NRXN3: variants seen among roughly 807,000 people sequenced by gnomAD.
NRXN3 encodes the protein neurexin 3, also known as neurexin III.
NRXN3 carries 32 observed loss-of-function variants against 137.6 expected under a neutral mutation model. The ratio of observed to expected loss-of-function variants is 0.23; its 90% CI spans 0.18 to 0.31. The LOEUF is 0.31. Ranked by LOEUF, NRXN3 falls within the 10% of genes least tolerant of loss-of-function variation. NRXN3 has a pLI of 1.00. For missense variants in NRXN3, 1,574 were observed against 2,062.5 expected (o/e 0.76, Z 4.59); for synonymous variants, 798 against 784.5 (o/e 1.02, Z -0.29).
intron 15 of NRXN3, among the ~76,000 whole-genome samples, chr14:79,208,720 T>C (rs915546867): frequency 6.6e-6 from 1 of 152,166 alleles, no homozygotes; most frequent in Admixed American, 6.6e-5. Context: ...TTTTTCAATT[T>C]CTATTATGAC....
intron 16 of NRXN3, among the ~76,000 whole-genome samples, chr14:79,603,601 AT>A (rs1283970314): frequency 1.3e-5 from 2 of 150,758 alleles, no homozygotes; most frequent in African/African-American, 2.4e-5. Context: ...TGTTCTTGTC[AT>A]TTTTTTTCAT....
At chr14:78,608,808 G>A (rs2097274455) in intron 4 of NRXN3, among the ~76,000 whole-genome samples, 1 of 152,180 alleles carries the variant, frequency 6.6e-6, no homozygotes, top group African/African-American at 2.4e-5. Context: ...CTGGGGCAGA[G>A]GACACTCAGA....
At chr14:78,293,108 C>CT (rs201811867) in intron 3 of NRXN3, among the ~76,000 whole-genome samples, 10 of 150,890 alleles carry the variant, frequency 6.6e-5, no homozygotes, top group Non-Finnish European at 8.9e-5. Context: ...GTTCCTTTTC[C>CT]TTTTTTTTTG....
intron 4 of NRXN3, among the ~76,000 whole-genome samples, chr14:78,335,663 TCCTC>T (rs2081376799): frequency 6.6e-6 from 1 of 152,120 alleles, no homozygotes; most frequent in African/African-American, 2.4e-5. Context: ...CCTGATTCCT[TCCTC>T]CCACCTGCCT....
At chr14:79,470,951 AGTGTGTGTGTGTGTGTGT>A (rs371413883) in intron 16 of NRXN3, among the ~76,000 whole-genome samples, 19 of 116,512 alleles carry the variant, frequency 1.6e-4, no homozygotes, top group East Asian at 5.0e-4. Flanking sequence ...AGAGAGAGAG[AGTGTGTGTGTGTGTGTGT>A]GTGTGTGTGT....
chr14:79,270,438 T>C (rs765198761), intron 15 of NRXN3, among the ~76,000 whole-genome samples: 9 of 151,482 alleles, frequency 5.9e-5, no homozygotes, highest in Non-Finnish European at 1.2e-4. Flanking sequence ...ATATTGTCGT[T>C]TTCATTTTGC....
intron 16 of NRXN3, among the ~76,000 whole-genome samples, chr14:79,512,525 T>C (rs1411859403): frequency 1.3e-5 from 2 of 152,228 alleles, no homozygotes; most frequent in African/African-American, 4.8e-5. Flanking sequence ...CAGATCAATG[T>C]TGAAGCCTCA....
intron 20 of NRXN3, among the ~76,000 whole-genome samples, chr14:79,842,896 A>G (rs2099359170): frequency 6.6e-6 from 1 of 151,544 alleles, no homozygotes; most frequent in Non-Finnish European, 1.5e-5. Context: ...TTCCTCTCCC[A>G]CCTCTAGTAA....
At chr14:79,615,740 A>C (rs221510) in intron 16 of NRXN3, among the ~76,000 whole-genome samples, 58,802 of 151,874 alleles carry the variant, frequency 0.39, 15,672 homozygotes, top group African/African-American at 0.76. Context: ...TTCACTATCA[A>C]AAGAACTGCT....
chr14:79,819,779 G>A lies in NRXN3; in HGVS notation c.4093+14589G>A, dbSNP rs150575674. Among the ~76,000 whole-genome samples, 268 of 151,544 alleles carry A rather than the reference G, an allele frequency of 1.8e-3. 1 individual carries two copies. Among genetic ancestry groups the A allele is most frequent in the African/African-American group, 6.1e-3 (252 of 41,052 alleles). Reference sequence around the variant, plus strand: ...ATTACAGGCATCAGCCACCGCACCCGGCCCTAAAAGTTCATCTTTAAGGAC... The same window carrying A: ...ATTACAGGCATCAGCCACCGCACCCAGCCCTAAAAGTTCATCTTTAAGGAC... On this transcript the variant is annotated intron_variant, in intron 20 of 20. Transcript: ENST00000335750.
At chr14:79,358,609 G>A (rs200374557) in intron 15 of NRXN3, among the ~76,000 whole-genome samples, 685 of 53,270 alleles carry the variant, frequency 0.013, 6 homozygotes, top group South Asian at 0.031. Flanking sequence ...GAAAGAAAGA[G>A]AAAGAAAGAA....
chr14:78,259,595 T>C (rs2153473465), intron 2 of NRXN3, among the ~76,000 whole-genome samples: 1 of 152,270 alleles, frequency 6.6e-6, no homozygotes, highest in Middle Eastern at 3.4e-3. Context: ...CAGCTAGCAA[T>C]ATAAGTGCTG....
intron 19 of NRXN3, among the ~76,000 whole-genome samples, chr14:79,803,319 C>G (rs757016685): frequency 5.3e-5 from 8 of 152,076 alleles, no homozygotes; most frequent in Admixed American, 5.2e-4. Context: ...GTTGTCATAA[C>G]AAAATATCCC....
chr14:78,338,589 C>T (rs751455516), intron 4 of NRXN3, among the ~76,000 whole-genome samples: 34 of 152,166 alleles, frequency 2.2e-4, no homozygotes, highest in Non-Finnish European at 4.0e-4. Flanking sequence ...ATAAAATAAA[C>T]TACAGTGCAA....
chr14:78,737,968 G>A lies in NRXN3; in HGVS notation c.2044+22829G>A, dbSNP rs142842516. Among the ~76,000 whole-genome samples, 527 of 152,156 alleles carry A rather than the reference G, an allele frequency of 3.5e-3. 3 individuals are homozygous for A. Among genetic ancestry groups the A allele is most frequent in the African/African-American group, 0.011 (461 of 41,510 alleles). ...GGTGGGAGGTAACATCTTGTACAAC[G>A]GAAGCCAATGGGGCCAAGAAAACCC... On this transcript the variant is annotated intron_variant, in intron 8 of 20. Transcript: ENST00000335750.
intron 4 of NRXN3, among the ~76,000 whole-genome samples, chr14:78,430,624 C>T (rs563886113): frequency 1.2e-4 from 19 of 152,182 alleles, no homozygotes; most frequent in Non-Finnish European, 2.6e-4. Context: ...CACCTTAGGA[C>T]CCTCATAGCG....
chr14:79,567,101 A>G (rs531464910), intron 16 of NRXN3, among the ~76,000 whole-genome samples: 5 of 152,154 alleles, frequency 3.3e-5, no homozygotes, highest in African/African-American at 1.2e-4. Context: ...CTCTCTTTGC[A>G]GTTCATTCTT....
At position 79,022,930 on chromosome 14, in the gene NRXN3, T is replaced by A. The variant is rs74067016; in HGVS notation, c.3262+34789T>A. Reference sequence around the variant, plus strand: ...AAAGGCCTTTTGAGCAAGTGTCAACTGTATAAAGTCTATTTGGAAAGGAAA... The same window carrying A: ...AAAGGCCTTTTGAGCAAGTGTCAACAGTATAAAGTCTATTTGGAAAGGAAA... On this transcript the variant is annotated intron_variant, in intron 15 of 20. Transcript: ENST00000335750. Among the ~76,000 whole-genome samples the A allele has an allele frequency of 6.4e-3, 970 of 152,208 alleles. 9 individuals carry two copies. The highest frequency in any genetic ancestry group is 0.022 in the African/African-American group (907 of 41,524).
intron 15 of NRXN3, among the ~76,000 whole-genome samples, chr14:79,047,773 G>A (rs529256420): frequency 2.0e-5 from 3 of 152,146 alleles, no homozygotes; most frequent in Non-Finnish European, 4.4e-5. Flanking sequence ...TTTAAAAGAC[G>A]GACAACACCA....
Sources: gnomAD v4.1 joint callset for allele counts (sites outside exome capture counted in the v4.1 genomes callset) on GRCh38, gnomAD v4.1.1 for gene constraint, MANE v1.5 for transcripts, NCBI Gene and HGNC (gene_info 2026-07-23, HGNC 2026-07-21) for gene names.